The following ULK4 variants were observed in gnomAD, a reference collection of about 807,000 sequenced individuals.
The protein encoded by ULK4 is unc-51 like kinase 4.
In ULK4, 133 loss-of-function variants were observed where a neutral mutation model predicts 160.6. The observed-to-expected ratio is 0.83, with a 90% CI of 0.72 to 0.96. ULK4 has a LOEUF of 0.96. ULK4 is among the 40% of genes least tolerant of loss of function. The pLI is 0.00. For missense variants in ULK4, 1,580 were observed against 1,499.5 expected (o/e 1.05, Z -0.89); for synonymous variants, 534 against 539.8 (o/e 0.99, Z 0.15).
chr3:41,781,324 G>A (rs1377108139), intron 21 of ULK4, among the ~76,000 whole-genome samples: 1 of 151,666 alleles, frequency 6.6e-6, no homozygotes, highest in African/African-American at 2.4e-5. Flanking sequence ...GGCTGAGGCA[G>A]GAGAATGGCG....
At chr3:41,249,807 T>G (rs1172679757) in intron 35 of ULK4, among the ~76,000 whole-genome samples, 1 of 152,114 alleles carries the variant, frequency 6.6e-6, no homozygotes, top group Non-Finnish European at 1.5e-5. Flanking sequence ...GACAAGGCAG[T>G]CTGCTGGGGC....
At chr3:41,671,666 G>T (rs1377810842) in intron 29 of ULK4, among the ~76,000 whole-genome samples, 2 of 152,092 alleles carry the variant, frequency 1.3e-5, no homozygotes, top group South Asian at 2.1e-4. Flanking sequence ...TCTAGGGAGA[G>T]ATTTTATAGC....
chr3:41,677,675 G>C (rs2035772969), intron 29 of ULK4, among the ~76,000 whole-genome samples: 1 of 152,156 alleles, frequency 6.6e-6, no homozygotes, highest in Non-Finnish European at 1.5e-5. Context: ...CATGAGAAAG[G>C]ATAATGATTC....
At position 41,800,304 on chromosome 3, in the gene ULK4, A is replaced by C; in HGVS notation, c.1849-11T>G. ...CACAACACGCTCTTCCTATAGAGAAAGGAGATTAAAATAATATTAGTGTGA... is the reference window on the plus strand; with the variant it reads ...CACAACACGCTCTTCCTATAGAGAACGGAGATTAAAATAATATTAGTGTGA... On this transcript the variant is annotated splice_polypyrimidine_tract_variant and intron_variant, in intron 19 of 36. Transcript: ENST00000301831. 1 of 1,600,660 alleles carries C rather than the reference A, an allele frequency of 6.2e-7. No individual in the cohort carries two copies. The highest frequency in any genetic ancestry group is 8.5e-7 in the Non-Finnish European group (1 of 1,175,166).
intron 4 of ULK4, among the ~76,000 whole-genome samples, chr3:41,933,788 G>A (rs952094049): frequency 1.3e-5 from 2 of 151,846 alleles, no homozygotes; most frequent in Non-Finnish European, 2.9e-5. Context: ...GGTGGCTCAC[G>A]CCTGTAATCC....
At chr3:41,690,279 C>T (rs1429071741) in intron 27 of ULK4, among the ~76,000 whole-genome samples, 17 of 150,686 alleles carry the variant, frequency 1.1e-4, no homozygotes, top group East Asian at 9.7e-4. Flanking sequence ...CATCACACTC[C>T]GGGGACTGTT....
chr3:41,494,569 G>C (rs914568312), intron 32 of ULK4, among the ~76,000 whole-genome samples: 1 of 151,974 alleles, frequency 6.6e-6, no homozygotes, highest in Non-Finnish European at 1.5e-5. Flanking sequence ...AGTGTTGGAA[G>C]TTCTGGCCAG....
At chr3:41,925,977 C>A (rs1350192296) in intron 5 of ULK4, among the ~76,000 whole-genome samples, 8 of 152,138 alleles carry the variant, frequency 5.3e-5, no homozygotes, top group African/African-American at 1.7e-4. Flanking sequence ...AACAGATCTC[C>A]CAGCACAGCA....
chr3:41,800,379 T>C (rs1187662871), intron 19 of ULK4, 86 bp from the exon 20 acceptor site: 3 of 1,373,820 alleles, frequency 2.2e-6, no homozygotes, highest in Non-Finnish European at 3.0e-6. Context: ...AATGTTATGA[T>C]ACCAAGACAG....
chr3:41,719,321 C>T (rs2037374109), intron 22 of ULK4, among the ~76,000 whole-genome samples: 1 of 152,122 alleles, frequency 6.6e-6, no homozygotes, highest in Non-Finnish European at 1.5e-5. Flanking sequence ...TTTAAATTAC[C>T]ACTTATCTAT....
rs995284741 is a variant in ULK4 at position 41,806,216 on chromosome 3, G to A, written c.1849-5923C>T. ...CTTCTTCCTGGTTTAGTCTTGGGAG[G>A]GTGTATGTGTCGAGGAATTTATCCA... On this transcript the variant is annotated intron_variant, in intron 19 of 36. Coordinates refer to ENST00000301831, the MANE Select transcript of ULK4 (RefSeq NM_017886.4). Among the ~76,000 whole-genome samples, 8 of 148,760 alleles carry A rather than the reference G, an allele frequency of 5.4e-5. No individual in the cohort carries two copies. The East Asian group carries it at 1.4e-3, about 25-fold the overall frequency.
intron 16 of ULK4, among the ~76,000 whole-genome samples, chr3:41,888,588 T>A (rs1296742488): frequency 6.6e-6 from 1 of 152,204 alleles, no homozygotes; most frequent in Non-Finnish European, 1.5e-5. Flanking sequence ...AAGGAACAGT[T>A]TAGTCAGTCA....
chr3:41,284,497 G>A (rs868324637), intron 35 of ULK4, among the ~76,000 whole-genome samples: 1 of 152,126 alleles, frequency 6.6e-6, no homozygotes, highest in South Asian at 2.1e-4. Context: ...AGAGGGGAAA[G>A]GACACCCCTT....
At position 41,898,451 on chromosome 3, in the gene ULK4, C is replaced by A. The variant is rs1434484677; in HGVS notation, c.1329G>T (p.Leu443Phe). Reference sequence around the variant, plus strand: ...TCCTACCTGAATATGTTGGTAGATGCAATATTTTTGCATCAAATTTAACTG... The same window carrying A: ...TCCTACCTGAATATGTTGGTAGATGAAATATTTTTGCATCAAATTTAACTG... ...QPPVKFDAKI[L>F]HLPTYSVDKL... Residue 443 changes from leucine to phenylalanine, a missense_variant, in exon 14 of 37, where the codon TTG becomes TTT. By Grantham distance (22) the Leu-to-Phe change is conservative. Coordinates refer to ENST00000301831, the MANE Select transcript of ULK4 (RefSeq NM_017886.4). The A allele has an allele frequency of 1.9e-6, 3 of 1,597,558 alleles. No individual in the cohort carries two copies. Among genetic ancestry groups the A allele is most frequent in the South Asian group, 1.1e-5 (1 of 87,892 alleles).
chr3:41,770,423 A>G (rs2039313487), intron 21 of ULK4, among the ~76,000 whole-genome samples: 2 of 152,106 alleles, frequency 1.3e-5, no homozygotes, highest in Admixed American at 6.6e-5. Flanking sequence ...ACTCCTTCAC[A>G]TCCATAAAAT....
At chr3:41,458,838 C>T (rs144217196) in intron 33 of ULK4, among the ~76,000 whole-genome samples, 73 of 152,138 alleles carry the variant, frequency 4.8e-4, no homozygotes, top group East Asian at 2.5e-3. Flanking sequence ...TTAGTGCAAC[C>T]TCTGCCTCCT....
intron 32 of ULK4, among the ~76,000 whole-genome samples, chr3:41,547,000 G>A (rs2086887364): frequency 6.6e-6 from 1 of 152,054 alleles, no homozygotes; most frequent in African/African-American, 2.4e-5. Flanking sequence ...CAGTTTTCAG[G>A]TTGCTTGAAA....
At chr3:41,508,400 C>G (rs1267984688) in intron 32 of ULK4, among the ~76,000 whole-genome samples, 1 of 152,110 alleles carries the variant, frequency 6.6e-6, no homozygotes, top group Non-Finnish European at 1.5e-5. Flanking sequence ...GCTCTATGGC[C>G]CTGCCCACCA....
At chr3:41,823,588 G>A (rs6768128) in intron 18 of ULK4, among the ~76,000 whole-genome samples, 38,707 of 151,920 alleles carry the variant, frequency 0.25, 6,097 homozygotes, top group African/African-American at 0.45. Context: ...GAAACCTTAG[G>A]GTGTTACTAG....
Sources: allele counts gnomAD v4.1 joint callset (sites outside exome capture counted in the v4.1 genomes callset), GRCh38; gene constraint gnomAD v4.1.1; transcripts MANE v1.5; gene names NCBI Gene and HGNC (gene_info 2026-07-23, HGNC 2026-07-21).